RFTN1: variants seen among roughly 807,000 people sequenced by gnomAD.
RFTN1 encodes the protein raftlin, lipid raft linker 1.
A neutral mutation model predicts 46.5 loss-of-function variants in RFTN1; 26 were observed. The ratio of observed to expected loss-of-function variants is 0.56; its 90% CI spans 0.41 to 0.78. The LOEUF is 0.78. Ranked by LOEUF, RFTN1 falls within the 30% of genes least tolerant of loss-of-function variation. RFTN1 has a pLI of 0.00. For synonymous variants in RFTN1, 261 were observed against 284.2 expected (o/e 0.92, Z 0.82); for missense variants, 693 against 718.7 (o/e 0.96, Z 0.41).
rs1277270434 is a variant in RFTN1 at position 16,342,011 on chromosome 3, A to G, written c.1147-15135T>C. Among the ~76,000 whole-genome samples the G allele has an allele frequency of 6.6e-6, 1 of 152,194 alleles. No individual in the cohort carries two copies. Among genetic ancestry groups the G allele is most frequent in the East Asian group, 1.9e-4 (1 of 5,206 alleles). On this transcript the variant is annotated intron_variant, in intron 7 of 9. Transcript: ENST00000334133. The surrounding 1 kb of genome is among the most constrained non-coding windows in gnomAD (Gnocchi z 4.0). ...TGTATTTTCTAAATTATCTTTAATG[A>G]CCACTTGTCACTTTTTTCAACATCT... is the stretch of plus-strand genomic sequence containing the variant.
chr3:16,326,834 G>A lies in RFTN1; in HGVS notation c.1189C>T (p.Leu397=), dbSNP rs2069747239. 1.9e-6 allele frequency: 3 copies of A among 1,614,050 alleles called. No individual in the cohort carries two copies. The highest frequency in any genetic ancestry group is 2.5e-6 in the Non-Finnish European group (3 of 1,180,024). ...QTDYVPLLNS[L]AAYGWQLTCV... is the part of the protein sequence containing the mutation. ...GTGAGCTGCCAGCCATAGGCCGCCA[G>A]CGAGTTCAGCAGGGGCACGTAGTCT... is the stretch of plus-strand genomic sequence containing the variant. The change falls in exon 8 of 10, where the codon CTG becomes TTG. Residue 397 remains leucine (L), a synonymous_variant. Coordinates refer to ENST00000334133, the MANE Select transcript of RFTN1 (RefSeq NM_015150.2).
At chr3:16,326,547 C>T (rs1441534243) in intron 8 of RFTN1, among the ~76,000 whole-genome samples, 1 of 152,200 alleles carries the variant, frequency 6.6e-6, no homozygotes, top group African/African-American at 2.4e-5. Context: ...GCAGTAATGA[C>T]TCACAGGGCC....
chr3:16,441,299 TAA>T (rs59877269), intron 2 of RFTN1, among the ~76,000 whole-genome samples: 585 of 47,536 alleles, frequency 0.012, 5 homozygotes, highest in African/African-American at 0.035. Context: ...TTCCAAGAAC[TAA>T]AAAAAAAAAA....
At chr3:16,432,501 G>C (rs1412755276) in intron 3 of RFTN1, among the ~76,000 whole-genome samples, 1 of 152,080 alleles carries the variant, frequency 6.6e-6, no homozygotes, top group African/African-American at 2.4e-5. Flanking sequence ...CTGGGTGACA[G>C]AGTGAGACCC....
intron 3 of RFTN1, among the ~76,000 whole-genome samples, chr3:16,411,775 T>A (rs1223681324): frequency 6.6e-6 from 1 of 152,226 alleles, no homozygotes; most frequent in Non-Finnish European, 1.5e-5. Context: ...AAAATCCAGC[T>A]GTTCTGTTAC....
Position 16,338,301 on chromosome 3 carries a change from C to A in RFTN1, c.1147-11425G>T, listed in dbSNP as rs138379639. Among the ~76,000 whole-genome samples, 1 of 152,204 alleles carries A rather than the reference C, an allele frequency of 6.6e-6. No individual in the cohort carries two copies. The highest frequency in any genetic ancestry group is 2.1e-4 in the South Asian group (1 of 4,830). ...GCAAGGCATGCAACCACGCAAGGCT[C>A]CTGATCACAGGGAAGGTAATGAGGC... On this transcript the variant is annotated intron_variant, in intron 7 of 9. Transcript: ENST00000334133. This position sits in a 1 kb window ranked among gnomAD's most constrained non-coding sequence, Gnocchi z 5.3.
intron 8 of RFTN1, among the ~76,000 whole-genome samples, chr3:16,325,014 A>G (rs917772731): frequency 2.6e-5 from 4 of 152,040 alleles, no homozygotes; most frequent in Admixed American, 6.6e-5. Flanking sequence ...GTGTGAGGCT[A>G]TATCTCACTG....
intron 7 of RFTN1, among the ~76,000 whole-genome samples, chr3:16,331,281 T>G (rs1316055544): frequency 6.6e-6 from 1 of 152,252 alleles, no homozygotes; most frequent in African/African-American, 2.4e-5. Flanking sequence ...TATACTACTC[T>G]TATTTTACTT....
In RFTN1 at chr3:16,475,731, C is replaced by T. The variant is rs762766944; in HGVS notation, c.145+17994G>A. ...GATTGAGATCCCTAGGTTATTCCAC[C>T]GGGTAATAAATAAACCTCTGCCACA... On this transcript the variant is annotated intron_variant, in intron 2 of 9. Coordinates refer to ENST00000334133, the MANE Select transcript of RFTN1 (RefSeq NM_015150.2). The surrounding 1 kb of genome is among the most constrained non-coding windows in gnomAD (Gnocchi z 4.2). 1.3e-5 allele frequency among the ~76,000 whole-genome samples: 2 copies of T among 152,156 alleles called. No homozygotes were observed. The highest frequency in any genetic ancestry group is 2.9e-5 in the Non-Finnish European group (2 of 68,032).
At position 16,450,484 on chromosome 3, in the gene RFTN1, A is replaced by C. The variant is rs919825137; in HGVS notation, c.146-16447T>G. On this transcript the variant is annotated intron_variant, in intron 2 of 9. Coordinates refer to ENST00000334133, the MANE Select transcript of RFTN1 (RefSeq NM_015150.2). This position sits in a 1 kb window ranked among gnomAD's most constrained non-coding sequence, Gnocchi z 4.6. ...CTCTCCCACTGCACCATGATGCTGCATGACCTGAAGTCCACCAGCATCCTG... is the reference window on the plus strand; with the variant it reads ...CTCTCCCACTGCACCATGATGCTGCCTGACCTGAAGTCCACCAGCATCCTG... Among the ~76,000 whole-genome samples the C allele has an allele frequency of 6.6e-6, 1 of 152,176 alleles. No individual in the cohort carries two copies. Among genetic ancestry groups the C allele is most frequent in the Non-Finnish European group, 1.5e-5 (1 of 68,024 alleles).
intron 3 of RFTN1, among the ~76,000 whole-genome samples, chr3:16,417,721 G>A (rs1205498743): frequency 1.3e-5 from 2 of 152,176 alleles, no homozygotes; most frequent in Non-Finnish European, 2.9e-5. Flanking sequence ...CATGGGCAAC[G>A]AGTGAAAGAT....
rs1021662688 is a variant in RFTN1, at chr3:16,418,529, A to T, written c.333-9046T>A. ...AAAAAATGGTGACAAACACAAACAG[A>T]TTACTAGGCACTTCTCCAGCCAGGA... On this transcript the variant is annotated intron_variant, in intron 3 of 9. Transcript: ENST00000334133. The surrounding 1 kb of genome is among the most constrained non-coding windows in gnomAD (Gnocchi z 5.0). Among the ~76,000 whole-genome samples, 3 of 152,148 alleles carry T rather than the reference A, an allele frequency of 2.0e-5. No homozygotes were observed. The highest frequency in any genetic ancestry group is 7.2e-5 in the African/African-American group (3 of 41,420).
In RFTN1 at chr3:16,443,190, C is replaced by T. The variant is rs547945671; in HGVS notation, c.146-9153G>A. Among the ~76,000 whole-genome samples, 62 of 152,296 alleles carry T rather than the reference C, an allele frequency of 4.1e-4. No homozygotes were observed. The highest frequency in any genetic ancestry group is 1.4e-3 in the African/African-American group (57 of 41,562). On this transcript the variant is annotated intron_variant, in intron 2 of 9. Transcript: ENST00000334133. This position sits in a 1 kb window ranked among gnomAD's most constrained non-coding sequence, Gnocchi z 5.5. ...CTGTACTAGTTTACATTCCCACCAA[C>T]GGGGTGCAAGGGTTCTCTTATACTT...
rs1290740852 is a variant in RFTN1 at position 16,322,379 on chromosome 3, C to T, written c.1332+997G>A. 6.6e-6 allele frequency among the ~76,000 whole-genome samples: 1 copy of T among 152,236 alleles called. No homozygotes were observed. Among genetic ancestry groups the T allele is most frequent in the African/African-American group, 2.4e-5 (1 of 41,458 alleles). ...GGGGCTGCTCCAATCTGTTCATTTA[C>T]TTGATGCTCCTTCCCAGGGCTCTGT... On this transcript the variant is annotated intron_variant, in intron 9 of 9. Transcript: ENST00000334133. The surrounding 1 kb of genome is among the most constrained non-coding windows in gnomAD (Gnocchi z 6.2).
chr3:16,394,379 AAAAC>A (rs1342747803), intron 4 of RFTN1, among the ~76,000 whole-genome samples: 25 of 152,142 alleles, frequency 1.6e-4, no homozygotes, highest in Non-Finnish European at 3.1e-4. Flanking sequence ...CTGTCCCTTA[AAAAC>A]AAACAAACAA....
intron 7 of RFTN1, among the ~76,000 whole-genome samples, chr3:16,330,426 A>C (rs1263474648): frequency 6.6e-6 from 1 of 152,246 alleles, no homozygotes; most frequent in Non-Finnish European, 1.5e-5. Context: ...TCCATTAGCT[A>C]AGAAAGGTGG....
chr3:16,417,009 C>CTTTTTT (rs72060599), intron 3 of RFTN1, among the ~76,000 whole-genome samples: 12 of 121,300 alleles, frequency 9.9e-5, no homozygotes, highest in Non-Finnish European at 1.5e-4. Flanking sequence ...TTTTCTTTTT[C>CTTTTTT]TTTTTTTTTT....
In RFTN1 at chr3:16,329,008, GT is replaced by G. The variant is rs1302659904; in HGVS notation, c.1147-2133del. Among the ~76,000 whole-genome samples the G allele has an allele frequency of 6.6e-6, 1 of 152,238 alleles. No homozygotes were observed. The highest frequency in any genetic ancestry group is 2.4e-5 in the African/African-American group (1 of 41,464). The stretch of plus-strand genomic sequence containing the variant: ...AATGTATCCCCCAAAAAGTTTCCAT[GT>G]GTTGAAAACTTAATCCCCAATGCAA... On this transcript the variant is annotated intron_variant, in intron 7 of 9. Transcript: ENST00000334133. The surrounding 1 kb of genome is among the most constrained non-coding windows in gnomAD (Gnocchi z 4.5).
rs1212120001 is a variant in RFTN1, at chr3:16,507,611, C to CACACACACACACATACAT, written c.-9+5830_-9+5831insATGTATGTGTGTGTGTGT. Among the ~76,000 whole-genome samples the CACACACACACACATACAT allele has an allele frequency of 2.4e-5, 3 of 124,928 alleles. No homozygotes were observed. Among genetic ancestry groups the CACACACACACACATACAT allele is most frequent in the Non-Finnish European group, 5.0e-5 (3 of 60,116 alleles). The allele number at this position is 124,928 out of a possible 152,430, so 82.0% of individuals were successfully genotyped here. On this transcript the variant is annotated intron_variant, in intron 1 of 9. Transcript: ENST00000334133. This position sits in a 1 kb window ranked among gnomAD's most constrained non-coding sequence, Gnocchi z 7.1. ...TAGGGAGTTTCAAAACACACACACA[C>CACACACACACACATACAT]ACACACACACATACACACACACATG...
Sources: gnomAD v4.1 joint callset for allele counts (sites outside exome capture counted in the v4.1 genomes callset) on GRCh38, gnomAD v4.1.1 for gene constraint, Gnocchi (gnomAD v3.1) non-coding constraint, MANE v1.5 for transcripts, NCBI Gene and HGNC (gene_info 2026-07-23, HGNC 2026-07-21) for gene names.